The following ROR1 variants were observed in gnomAD, a reference collection of about 807,000 sequenced individuals.
ROR1 encodes the protein ROR family WNT receptor 1, also known as inactive tyrosine-protein kinase transmembrane receptor ROR1.
A neutral mutation model predicts 78.8 loss-of-function variants in ROR1; 19 were observed. The observed-to-expected ratio is 0.24, with a 90% CI of 0.17 to 0.35. The LOEUF (loss-of-function observed/expected upper bound fraction) is 0.35, where lower values mean the gene tolerates loss of function less well. ROR1 is among the 10% of genes least tolerant of loss of function. The pLI, the probability that ROR1 is intolerant of heterozygous loss-of-function variation, is 1.00. For synonymous variants in ROR1, 386 were observed against 433.6 expected (o/e 0.89, Z 1.36); for missense variants, 917 against 1,177.8 (o/e 0.78, Z 3.24).
rs1645394914 is a variant in ROR1, at chr1:63,891,441, T to C, written c.91+116933T>C. ...GTGTGTTGCCTGGAAATGCACCTCATGGGAAGACTTGCAGGTGTGAGCGGT... is the reference window on the plus strand; with the variant it reads ...GTGTGTTGCCTGGAAATGCACCTCACGGGAAGACTTGCAGGTGTGAGCGGT... On this transcript the variant is annotated intron_variant, in intron 1 of 8. Coordinates refer to ENST00000371079, the MANE Select transcript of ROR1 (RefSeq NM_005012.4). Among the ~76,000 whole-genome samples the C allele has an allele frequency of 3.3e-5, 5 of 152,258 alleles. No individual in the cohort carries two copies. The South Asian group carries it at 1.0e-3, about 32-fold the overall frequency.
rs148582929 is a variant in ROR1, at chr1:63,794,825, C to T, written c.91+20317C>T. ...GTAAGTCCTGACTGTATGCCCGGGACTGTGCTGGGATACACAGGGTCCAGA... is the reference window on the plus strand; with the variant it reads ...GTAAGTCCTGACTGTATGCCCGGGATTGTGCTGGGATACACAGGGTCCAGA... On this transcript the variant is annotated intron_variant, in intron 1 of 8. Coordinates refer to ENST00000371079, the MANE Select transcript of ROR1 (RefSeq NM_005012.4). Among the ~76,000 whole-genome samples, 137 of 152,330 alleles carry T rather than the reference C, an allele frequency of 9.0e-4. 1 individual carries two copies. Among genetic ancestry groups the T allele is most frequent in the Middle Eastern group, 6.8e-3 (2 of 294 alleles).
At chr1:63,833,440 ATAGT>A (rs1361895578) in intron 1 of ROR1, among the ~76,000 whole-genome samples, 3 of 152,206 alleles carry the variant, frequency 2.0e-5, no homozygotes, top group African/African-American at 7.2e-5. Context: ...TGATCTTTAA[ATAGT>A]TAGAGGGCCA....
chr1:64,052,822 G>A (rs1646843927), intron 4 of ROR1, among the ~76,000 whole-genome samples: 3 of 151,832 alleles, frequency 2.0e-5, no homozygotes, highest in Admixed American at 6.6e-5. Flanking sequence ...TCTGTTTTTG[G>A]CATTCCTAGT....
intron 2 of ROR1, among the ~76,000 whole-genome samples, chr1:64,044,662 T>C (rs1227724472): frequency 6.6e-6 from 1 of 152,200 alleles, no homozygotes; most frequent in Non-Finnish European, 1.5e-5. Context: ...ATTTGAGTTC[T>C]GAGCTGAACT....
In ROR1 at chr1:63,991,637, G is replaced by A. The variant is rs142804846; in HGVS notation, c.92-17668G>A. The stretch of plus-strand genomic sequence containing the variant: ...CCTGTTGTCTTCCAGGTCTAATTTG[G>A]GCTATGTTTGGTTTATCTGTGTGGT... On this transcript the variant is annotated intron_variant, in intron 1 of 8. Transcript: ENST00000371079. 6.3e-3 allele frequency among the ~76,000 whole-genome samples: 962 copies of A among 152,208 alleles called. 10 individuals are homozygous for A. Among genetic ancestry groups the A allele is most frequent in the African/African-American group, 0.021 (873 of 41,518 alleles).
At chr1:64,024,445 C>T (rs911912403) in intron 2 of ROR1, among the ~76,000 whole-genome samples, 7 of 152,128 alleles carry the variant, frequency 4.6e-5, no homozygotes, top group Admixed American at 2.0e-4. Context: ...TGCACCACTG[C>T]ACTCCAGCCT....
intron 1 of ROR1, among the ~76,000 whole-genome samples, chr1:63,939,671 C>T (rs781646893): frequency 6.6e-6 from 1 of 152,132 alleles, no homozygotes; most frequent in Non-Finnish European, 1.5e-5. Context: ...AACATTATAC[C>T]TCTCTGAAAC....
intron 1 of ROR1, among the ~76,000 whole-genome samples, chr1:63,965,102 A>T (rs1557586153): frequency 6.6e-6 from 1 of 152,304 alleles, no homozygotes; most frequent in East Asian, 1.9e-4. Flanking sequence ...CTATCATTTC[A>T]TTCTAAGAAC....
chr1:64,061,108 C>G (rs987527688), intron 4 of ROR1, among the ~76,000 whole-genome samples: 1 of 152,204 alleles, frequency 6.6e-6, no homozygotes, highest in Non-Finnish European at 1.5e-5. Context: ...GTATCTCCCA[C>G]TTAGCACAGC....
chr1:63,886,995 C>T (rs1054752260), intron 1 of ROR1, among the ~76,000 whole-genome samples: 3 of 152,216 alleles, frequency 2.0e-5, no homozygotes, highest in Non-Finnish European at 4.4e-5. Context: ...ACTCTGTCCT[C>T]CTCCCAAAAG....
At chr1:63,811,168 C>T (rs1321640255) in intron 1 of ROR1, among the ~76,000 whole-genome samples, 1 of 152,174 alleles carries the variant, frequency 6.6e-6, no homozygotes, top group African/African-American at 2.4e-5. Context: ...TAAGTTCATA[C>T]TCATCTGTTT....
intron 1 of ROR1, among the ~76,000 whole-genome samples, chr1:63,838,453 G>A (rs917977534): frequency 6.6e-6 from 1 of 151,986 alleles, no homozygotes; most frequent in African/African-American, 2.4e-5. Flanking sequence ...TGTAGGCCTA[G>A]GCTAATGTGT....
intron 4 of ROR1, among the ~76,000 whole-genome samples, chr1:64,059,714 A>AG (rs1442736068): frequency 2.0e-5 from 3 of 151,578 alleles, no homozygotes; most frequent in Non-Finnish European, 4.4e-5. Flanking sequence ...ATCTTAAAAA[A>AG]AAAAAAAAAA....
At chr1:63,984,561 C>T (rs1430389191) in intron 1 of ROR1, among the ~76,000 whole-genome samples, 2 of 152,202 alleles carry the variant, frequency 1.3e-5, no homozygotes, top group East Asian at 3.8e-4. Flanking sequence ...TGCAAGCTAG[C>T]TGCTACTATT....
rs1359882074 is a variant in ROR1 at position 64,102,209 on chromosome 1, C to T, written c.483-35160C>T. On this transcript the variant is annotated intron_variant, in intron 4 of 8. Coordinates refer to ENST00000371079, the MANE Select transcript of ROR1 (RefSeq NM_005012.4). Reference sequence around the variant, plus strand: ...TTTCTCCTGTTTGTTTTAACAGCTCCGCTTAGCAGCACCACAAGAAGGAGC... The same window carrying T: ...TTTCTCCTGTTTGTTTTAACAGCTCTGCTTAGCAGCACCACAAGAAGGAGC... Among the ~76,000 whole-genome samples the T allele has an allele frequency of 5.3e-5, 8 of 152,286 alleles. No individual in the cohort carries two copies. In the East Asian group the frequency reaches 9.6e-4, roughly 18 times the overall value.
intron 1 of ROR1, among the ~76,000 whole-genome samples, chr1:63,944,415 C>T (rs1202796418): frequency 3.3e-5 from 5 of 152,186 alleles, no homozygotes; most frequent in Non-Finnish European, 7.4e-5. Context: ...CATGGGCCCA[C>T]AGCATTTTCA....
intron 4 of ROR1, among the ~76,000 whole-genome samples, chr1:64,128,987 T>G (rs919064440): frequency 1.3e-5 from 2 of 152,192 alleles, no homozygotes; most frequent in Non-Finnish European, 2.9e-5. Flanking sequence ...TTAATGTGAA[T>G]TGCTGCTTCT....
intron 1 of ROR1, among the ~76,000 whole-genome samples, chr1:63,802,858 G>A (rs1201648449): frequency 1.3e-5 from 2 of 152,166 alleles, no homozygotes; most frequent in African/African-American, 2.4e-5. Flanking sequence ...AGCCACATAT[G>A]TAGTTTGAAA....
intron 4 of ROR1, among the ~76,000 whole-genome samples, chr1:64,082,421 T>C (rs1352001076): frequency 6.6e-6 from 1 of 152,188 alleles, no homozygotes; most frequent in Non-Finnish European, 1.5e-5. Flanking sequence ...AGAATGCTGA[T>C]ATCAAGGAAA....
Sources: allele counts gnomAD v4.1 joint callset (sites outside exome capture counted in the v4.1 genomes callset), GRCh38; gene constraint gnomAD v4.1.1; transcripts MANE v1.5; gene names NCBI Gene and HGNC (gene_info 2026-07-23, HGNC 2026-07-21).